The following ADGRL3 variants were observed in gnomAD, a reference collection of about 807,000 sequenced individuals.
ADGRL3 encodes calcium-independent alpha-latrotoxin receptor 3.
Under a neutral mutation model 153.5 loss-of-function variants are expected in ADGRL3, and 62 were observed. The observed-to-expected ratio is 0.40, with a 90% CI of 0.33 to 0.50. The LOEUF (loss-of-function observed/expected upper bound fraction) is 0.50, where lower values mean the gene tolerates loss of function less well. Among genes scored for constraint, ADGRL3 ranks in the 20% least tolerant of loss-of-function variants. ADGRL3 has a pLI of 0.47. For missense variants in ADGRL3, 1,641 were observed against 1,859.4 expected (o/e 0.88, Z 2.16); for synonymous variants, 710 against 672.5 (o/e 1.06, Z -0.86).
intron 4 of ADGRL3, among the ~76,000 whole-genome samples, chr4:61,542,031 A>G (rs1579427707): frequency 6.6e-6 from 1 of 152,320 alleles, no homozygotes; most frequent in Middle Eastern, 3.4e-3. Flanking sequence ...AATTAGTTCA[A>G]GAGATTTTTC....
At chr4:61,925,779 G>C (rs2098791855) in intron 13 of ADGRL3, among the ~76,000 whole-genome samples, 1 of 152,074 alleles carries the variant, frequency 6.6e-6, no homozygotes, top group South Asian at 2.1e-4. Context: ...CTCCAACACT[G>C]AGGATTACAA....
intron 3 of ADGRL3, among the ~76,000 whole-genome samples, chr4:61,514,796 T>C (rs2098482838): frequency 6.6e-6 from 1 of 152,192 alleles, no homozygotes; most frequent in Non-Finnish European, 1.5e-5. Flanking sequence ...GCCAAACAAC[T>C]CTTTCTAGAT....
chr4:61,711,783 G>A (rs1388287539), intron 6 of ADGRL3, among the ~76,000 whole-genome samples: 5 of 151,912 alleles, frequency 3.3e-5, no homozygotes, highest in East Asian at 3.9e-4. Flanking sequence ...TCTGTGGTTG[G>A]CGGAGACTTC....
At chr4:61,694,557 G>A (rs2095606684) in intron 6 of ADGRL3, among the ~76,000 whole-genome samples, 1 of 152,136 alleles carries the variant, frequency 6.6e-6, no homozygotes, top group African/African-American at 2.4e-5. Context: ...CATCATCTGA[G>A]CCTTCAGCTA....
chr4:61,448,113 A>G (rs2097609105), intron 2 of ADGRL3, among the ~76,000 whole-genome samples: 1 of 152,178 alleles, frequency 6.6e-6, no homozygotes, highest in South Asian at 2.1e-4. Flanking sequence ...AAATCACCAG[A>G]ATTTAGCTCA....
At chr4:61,936,781 T>C (rs373189212) in intron 15 of ADGRL3, among the ~76,000 whole-genome samples, 12 of 138,822 alleles carry the variant, frequency 8.6e-5, no homozygotes, top group Admixed American at 2.2e-4. Flanking sequence ...TACATATGCA[T>C]ACACACACAC....
chr4:61,757,084 T>G (rs1249903328), intron 8 of ADGRL3, among the ~76,000 whole-genome samples: 3 of 152,196 alleles, frequency 2.0e-5, no homozygotes, highest in African/African-American at 4.8e-5. Context: ...AAATTCTCTT[T>G]TTTGGTTGTG....
At chr4:61,685,631 C>A (rs574738980) in intron 6 of ADGRL3, among the ~76,000 whole-genome samples, 2 of 151,944 alleles carry the variant, frequency 1.3e-5, no homozygotes, top group Non-Finnish European at 2.9e-5. Context: ...GGCCTGTTCT[C>A]GTAAGTGGTA....
intron 1 of ADGRL3, among the ~76,000 whole-genome samples, chr4:61,223,507 G>A (rs1746577905): frequency 6.6e-6 from 1 of 152,228 alleles, no homozygotes; most frequent in Non-Finnish European, 1.5e-5. Context: ...TTGAAAGTAG[G>A]TGTAGAACCA....
At chr4:61,450,756 A>G (rs1330979645) in intron 2 of ADGRL3, among the ~76,000 whole-genome samples, 1 of 152,146 alleles carries the variant, frequency 6.6e-6, no homozygotes, top group Non-Finnish European at 1.5e-5. Flanking sequence ...TCCATGTACA[A>G]TAGCCTTAAA....
At chr4:62,050,562 G>C (rs934527185) in intron 25 of ADGRL3, among the ~76,000 whole-genome samples, 1 of 151,922 alleles carries the variant, frequency 6.6e-6, no homozygotes, top group Non-Finnish European at 1.5e-5. Context: ...TAATATTCAG[G>C]CTTCTAAACA....
intron 4 of ADGRL3, among the ~76,000 whole-genome samples, chr4:61,562,617 T>A (rs1402165882): frequency 6.6e-6 from 1 of 152,172 alleles, no homozygotes; most frequent in Non-Finnish European, 1.5e-5. Flanking sequence ...CAACTCCTCT[T>A]CTGTTCAAGT....
At chr4:61,555,321 T>G (rs1182821893) in intron 4 of ADGRL3, among the ~76,000 whole-genome samples, 1 of 152,222 alleles carries the variant, frequency 6.6e-6, no homozygotes. Context: ...TGTATAGACC[T>G]ATTTTAATTT....
intron 25 of ADGRL3, chr4:62,063,360 AT>A: frequency 8.9e-6 from 4 of 449,966 alleles, no homozygotes; most frequent in Non-Finnish European, 1.2e-5. Context: ...TAAGTGGCAT[AT>A]TTTTTTAGTC....
chr4:61,205,945 G>T (rs181240789), intron 1 of ADGRL3, among the ~76,000 whole-genome samples: 2 of 152,302 alleles, frequency 1.3e-5, no homozygotes, highest in African/African-American at 4.8e-5. Context: ...TTCTACTGCT[G>T]CATAAGAAAC....
intron 2 of ADGRL3, among the ~76,000 whole-genome samples, chr4:61,389,817 T>C (rs2096781758): frequency 6.6e-6 from 1 of 152,152 alleles, no homozygotes; most frequent in African/African-American, 2.4e-5. Context: ...AGAATTTACA[T>C]GCATAAATGG....
At chr4:61,313,975 A>G (rs2095110405) in intron 1 of ADGRL3, among the ~76,000 whole-genome samples, 1 of 152,140 alleles carries the variant, frequency 6.6e-6, no homozygotes, top group African/African-American at 2.4e-5. Context: ...GGGATGTTGA[A>G]GGAAAGTGGA....
intron 11 of ADGRL3, 52 bp from the exon 12 acceptor site, chr4:61,909,508 A>G (rs765716524): frequency 2.4e-6 from 3 of 1,238,944 alleles, no homozygotes; most frequent in African/African-American, 3.0e-5. Flanking sequence ...AGAAAGCAAT[A>G]AAAGTATTTA....
intron 13 of ADGRL3, among the ~76,000 whole-genome samples, chr4:61,934,248 T>G (rs2098829244): frequency 6.6e-6 from 1 of 152,066 alleles, no homozygotes; most frequent in African/African-American, 2.4e-5. Context: ...ATGAAGGAGG[T>G]TTCTCTTTAT....
Sources: allele counts gnomAD v4.1 joint callset (sites outside exome capture counted in the v4.1 genomes callset), GRCh38; gene constraint gnomAD v4.1.1; transcripts MANE v1.5; gene names NCBI Gene and HGNC (gene_info 2026-07-23, HGNC 2026-07-21).